Variants in MYO15A observed in about 807,000 individuals in gnomAD.
MYO15A encodes the protein unconventional myosin-XV.
MYO15A carries 308 observed loss-of-function variants against 394.6 expected under a neutral mutation model. That is an observed-to-expected ratio of 0.78 (90% CI 0.71 to 0.86). The LOEUF (loss-of-function observed/expected upper bound fraction) is 0.86. Ranked by LOEUF, MYO15A falls within the 40% of genes least tolerant of loss-of-function variation. MYO15A has a pLI of 0.00. For missense variants in MYO15A, 4,606 were observed against 4,799.1 expected (o/e 0.96, Z 1.19); for synonymous variants, 1,957 against 2,003.8 (o/e 0.98, Z 0.62).
At position 18,155,386 on chromosome 17, in the gene MYO15A, G is replaced by A. The variant is rs1264563063; in HGVS notation, c.8413G>A (p.Gly2805Ser). 6.2e-7 allele frequency: 1 copy of A among 1,613,590 alleles called. No homozygotes were observed. Among genetic ancestry groups the A allele is most frequent in the African/African-American group, 1.3e-5 (1 of 74,946 alleles). Residue 2805 changes from glycine to serine, a missense_variant, in exon 47 of 66, where the codon GGT becomes AGT. Transcript: ENST00000647165. ...VGIKLLRMVK[G>S]GQEAGGQLRV... ...CATCAAACTCCTGAGGATGGTCAAG[G>A]GTGGCCAGGAGGCCGGCGGGCAGCT...
At position 18,121,412 on chromosome 17, in the gene MYO15A, C is replaced by G; in HGVS notation, c.2612C>G (p.Thr871Arg). The change falls in exon 2 of 66, where the codon ACG becomes AGG. Residue 871 changes from threonine to arginine, a missense_variant. Transcript: ENST00000647165. This position sits in a 1 kb window ranked among gnomAD's most constrained non-coding sequence, Gnocchi z 5.3. ...AATCTGCCCTCGCGCCTCCCGCACA[C>G]GTGGCGGCGCCTCAGCGAGCCACCC... ...SLNLPSRLPHTWRRLSEPPTR... is the reference protein window; with the variant it reads ...SLNLPSRLPHRWRRLSEPPTR... The G allele has an allele frequency of 6.5e-7, 1 of 1,541,290 alleles. No individual in the cohort carries two copies. The highest frequency in any genetic ancestry group is 1.4e-5 in the African/African-American group (1 of 72,994).
Position 18,137,997 on chromosome 17 carries a change from G to A in MYO15A, c.4876-118G>A, listed in dbSNP as rs1307142688. 4.4e-6 allele frequency: 6 copies of A among 1,368,258 alleles called. No homozygotes were observed. In the Admixed American group the frequency reaches 1.2e-4, roughly 28 times the overall value. The allele number at this position is 1,368,258 out of a possible 1,614,324, so 84.8% of individuals were successfully genotyped here. A position where few individuals can be genotyped will look rare whatever the true frequency, so the allele number is the denominator to read the frequency against. ...ATTAGGGGGTGAGCTCCCTGTTCTG[G>A]GAGGTATGCAAGCAGAGGTGCTGCT... On this transcript the variant is annotated intron_variant, in intron 16 of 65. Transcript: ENST00000647165.
intron 1 of MYO15A, among the ~76,000 whole-genome samples, chr17:18,114,376 T>C (rs1405983616): frequency 2.0e-5 from 3 of 150,488 alleles, no homozygotes; most frequent in Non-Finnish European, 3.0e-5. Context: ...CTCAGCCTCC[T>C]GAGTAGCTGC....
rs747762338 is a variant in MYO15A at position 18,118,862 on chromosome 17, C to T, written c.62C>T (p.Pro21Leu). Residue 21 changes from proline (P) to leucine (L), a missense_variant, in exon 2 of 66, where the codon CCG becomes CTG. By Grantham distance (98) the Pro-to-Leu change is moderately conservative. This residue lies in a region of MYO15A where 1,830 missense variants were observed against 1,689.7 expected (regional missense o/e 1.08). Coordinates refer to ENST00000647165, the MANE Select transcript of MYO15A (RefSeq NM_016239.4). ...AAAGGGAAGAAGGGGAAGAAGGCAC[C>T]GGAGCCGGAGAAGCCCAAACGGAGC... ...AKKGKKGKKA[P>L]EPEKPKRSLK... 19 of 1,612,750 alleles carry T rather than the reference C, an allele frequency of 1.2e-5. No homozygotes were observed. The highest frequency in any genetic ancestry group is 1.5e-5 in the Non-Finnish European group (18 of 1,179,518).
rs1338570704 is a variant in MYO15A, at chr17:18,120,852, C to A, written c.2052C>A (p.Leu684=). 33 of 1,203,444 alleles carry A rather than the reference C, an allele frequency of 2.7e-5. No homozygotes were observed. Among genetic ancestry groups the A allele is most frequent in the Non-Finnish European group, 3.3e-5 (32 of 967,066 alleles). The allele number at this position is 1,203,444 out of a possible 1,614,324, so 74.5% of individuals were successfully genotyped here. Reference sequence around the variant, plus strand: ...CCGCGCCGCCGCTCTCCCCGGCGCTCTCGGGCCTGCCCCGGCCGGCCTCGC... The same window carrying A: ...CCGCGCCGCCGCTCTCCCCGGCGCTATCGGGCCTGCCCCGGCCGGCCTCGC... ...PPPAPPLSPA[L]SGLPRPASPY... The change falls in exon 2 of 66, where the codon CTC becomes CTA. Residue 684 remains leucine (L), a synonymous_variant. Coordinates refer to ENST00000647165, the MANE Select transcript of MYO15A (RefSeq NM_016239.4).
rs529092894 is a variant in MYO15A, at chr17:18,154,999, TG to T, written c.8225-109del. On this transcript the variant is annotated intron_variant, in intron 45 of 65. Transcript: ENST00000647165. ...GGTTTCAGTTTTCTAGTATAGACAC[TG>T]GTCAGATACCTTCTTGCTGGGTATC... is the stretch of plus-strand genomic sequence containing the variant. The T allele has an allele frequency of 3.4e-5, 37 of 1,090,582 alleles. No individual in the cohort carries two copies. The East Asian group carries it at 7.2e-4, about 21-fold the overall frequency. The allele number at this position is 1,090,582 out of a possible 1,614,324, so 67.6% of individuals were successfully genotyped here.
chr17:18,169,445 C>T (rs977406075), intron 62 of MYO15A: 9 of 141,704 alleles, frequency 6.4e-5, no homozygotes, highest in East Asian at 2.2e-4. Context: ...AGCAAAACTC[C>T]GTCTCAAAAT....
chr17:18,114,452 A>T (rs1224670151), intron 1 of MYO15A, among the ~76,000 whole-genome samples: 3 of 151,906 alleles, frequency 2.0e-5, no homozygotes, highest in Non-Finnish European at 4.4e-5. Flanking sequence ...AGGTTTTACC[A>T]TGTTGGTCAG....
intron 64 of MYO15A, 40 bp from the exon 65 acceptor site, chr17:18,173,741 C>T (rs370003711): frequency 2.6e-4 from 420 of 1,613,350 alleles, no homozygotes; most frequent in South Asian, 3.3e-4. Context: ...AGACTATCCT[C>T]GCCCACAGGC....
At position 18,120,802 on chromosome 17, in the gene MYO15A, C is replaced by T; in HGVS notation, c.2002C>T (p.Arg668Trp). The T allele has an allele frequency of 2.3e-6, 3 of 1,299,288 alleles. No homozygotes were observed. The highest frequency in any genetic ancestry group is 2.9e-6 in the Non-Finnish European group (3 of 1,026,696). 80.5% of individuals were successfully genotyped at this position (1,299,288 alleles called of 1,614,324 possible). ...GCTCCTGTCTCCGCCCGTGCCCCCG[C>T]GGCCCCCAAGCTCCGGGCCCCCGCC... Reference protein sequence around the residue: ...SALLSPPVPPRPPSSGPPPAP... With the variant: ...SALLSPPVPPWPPSSGPPPAP... Residue 668 changes from arginine to tryptophan, a missense_variant, in exon 2 of 66, where the codon CGG (arginine) becomes TGG (tryptophan). Around this residue, in one of 2 missense-constraint regions of MYO15A, gnomAD observed 1,830 missense variants for 1,689.7 expected, o/e 1.08. Coordinates refer to ENST00000647165, the MANE Select transcript of MYO15A (RefSeq NM_016239.4).
At chr17:18,165,508 C>G (rs1007392902) in intron 60 of MYO15A, among the ~76,000 whole-genome samples, 1 of 152,204 alleles carries the variant, frequency 6.6e-6, no homozygotes, top group Non-Finnish European at 1.5e-5. Flanking sequence ...CTCACATCTC[C>G]TCCTCTGATT....
rs572748657 is a variant in MYO15A at position 18,149,482 on chromosome 17, C to A, written c.7118-4C>A. On this transcript the variant is annotated splice_polypyrimidine_tract_variant and splice_region_variant and intron_variant, in intron 34 of 65. Transcript: ENST00000647165. ...ACTTGACATTTTTGTGCCTTCCCCTCCAGAGTCAGACAGTCTTGGAGAGCC... is the reference window on the plus strand; with the variant it reads ...ACTTGACATTTTTGTGCCTTCCCCTACAGAGTCAGACAGTCTTGGAGAGCC... 5 of 1,614,160 alleles carry A rather than the reference C, an allele frequency of 3.1e-6. No individual in the cohort carries two copies. The highest frequency in any genetic ancestry group is 2.7e-5 in the African/African-American group (2 of 75,034).
At position 18,124,563 on chromosome 17, in the gene MYO15A, G is replaced by A; in HGVS notation, c.3690G>A (p.Leu1230=). 1.9e-6 allele frequency: 3 copies of A among 1,613,086 alleles called. No homozygotes were observed. Among genetic ancestry groups the A allele is most frequent in the Non-Finnish European group, 1.7e-6 (2 of 1,179,952 alleles). Residue 1230 remains leucine, a splice_region_variant and synonymous_variant, in exon 3 of 66, where the codon CTG becomes CTA. Transcript: ENST00000647165. The part of the protein sequence containing the change: ...GEDGVEDMTQ[L]EDLQETTVLS... ...ATGGTGTGGAGGACATGACACAGCT[G>A]GAGTGAGTGGGCAGGGCCGGCGGGG...
chr17:18,119,563 G>A lies in MYO15A; in HGVS notation c.763G>A (p.Glu255Lys). Residue 255 changes from glutamate to lysine, a missense_variant, in exon 2 of 66, where the codon GAG (glutamate) becomes AAG (lysine). By Grantham distance (56) the Glu-to-Lys change is moderately conservative (BLOSUM62 1). This residue lies in a region of MYO15A where 1,830 missense variants were observed against 1,689.7 expected (regional missense o/e 1.08). Coordinates refer to ENST00000647165, the MANE Select transcript of MYO15A (RefSeq NM_016239.4). ...CGACCGGCAGTCACTCCACCGCTAC[G>A]AGGAGCAGGAACCCTACCTGGCGGG... ...YYDRQSLHRY[E>K]EQEPYLAGLG... The A allele has an allele frequency of 6.2e-7, 1 of 1,606,944 alleles. No homozygotes were observed. Among genetic ancestry groups the A allele is most frequent in the Non-Finnish European group, 8.5e-7 (1 of 1,179,930 alleles).
Position 18,172,147 on chromosome 17 carries a change from C to G in MYO15A, c.10217-10C>G. The G allele has an allele frequency of 6.2e-7, 1 of 1,614,162 alleles. No homozygotes were observed. The highest frequency in any genetic ancestry group is 8.5e-7 in the Non-Finnish European group (1 of 1,180,034). On this transcript the variant is annotated splice_polypyrimidine_tract_variant and intron_variant, in intron 63 of 65. Coordinates refer to ENST00000647165, the MANE Select transcript of MYO15A (RefSeq NM_016239.4). Reference sequence around the variant, plus strand: ...CCAGCACGTAACTGCCACCCCCTCTCCCTGCCCAGGCCTCCTCAGCGCCTT... The same window carrying G: ...CCAGCACGTAACTGCCACCCCCTCTGCCTGCCCAGGCCTCCTCAGCGCCTT...
At chr17:18,160,642 C>T in intron 56 of MYO15A, 1 of 195,844 alleles carries the variant, frequency 5.1e-6, no homozygotes, top group Middle Eastern at 2.2e-3. Context: ...TCACATTGAC[C>T]AAACCTGACT....
At chr17:18,161,191 G>A (rs1248100420) in intron 56 of MYO15A, 126 bp from the exon 57 acceptor site, 4 of 1,299,086 alleles carry the variant, frequency 3.1e-6, no homozygotes, top group Non-Finnish European at 4.3e-6. Flanking sequence ...ACTGCGCAGG[G>A]AGGGGCATCC....
intron 2 of MYO15A, chr17:18,124,035 C>G (rs190895276): frequency 4.3e-6 from 1 of 232,552 alleles, no homozygotes; most frequent in African/African-American, 2.2e-5. Flanking sequence ...GCATTTTCCC[C>G]AGGATGAGCA....
intron 62 of MYO15A, chr17:18,169,534 G>A (rs964535417): frequency 4.6e-5 from 7 of 152,130 alleles, no homozygotes; most frequent in African/African-American, 1.7e-4. Flanking sequence ...CTACTCGGGA[G>A]GCTGAGGCAG....
Sources: gnomAD v4.1 joint callset for allele counts (sites outside exome capture counted in the v4.1 genomes callset) on GRCh38, gnomAD v4.1.1 for gene constraint, gnomAD v4.1.1 regional missense constraint, Gnocchi (gnomAD v3.1) non-coding constraint, MANE v1.5 for transcripts, NCBI Gene and HGNC (gene_info 2026-07-23, HGNC 2026-07-21) for gene names.